Variants in STRBP observed in about 807,000 individuals in gnomAD.
STRBP encodes spermatid perinuclear RNA binding protein.
Under a neutral mutation model 80.1 loss-of-function variants are expected in STRBP, and 13 were observed. The ratio of observed to expected loss-of-function variants is 0.16; its 90% confidence interval spans 0.11 to 0.26. The LOEUF (loss-of-function observed/expected upper bound fraction) is 0.26, where lower values mean the gene tolerates loss of function less well. Ranked by LOEUF, STRBP falls within the 10% of genes least tolerant of loss-of-function variation. The pLI, the probability that STRBP is intolerant of heterozygous loss-of-function variation, is 1.00. For synonymous variants in STRBP, 284 were observed against 291.2 expected (o/e 0.98, Z 0.25); for missense variants, 485 against 815.2 (o/e 0.59, Z 4.93).
At chr9:123,239,265 C>T (rs548424744) in intron 1 of STRBP, among the ~76,000 whole-genome samples, 19 of 152,168 alleles carry the variant, frequency 1.2e-4, no homozygotes, top group African/African-American at 4.6e-4. Flanking sequence ...GTCCCAGCTA[C>T]TCAGGAGGCT....
chr9:123,267,715 C>G (rs2041302505), intron 1 of STRBP, among the ~76,000 whole-genome samples: 3 of 150,636 alleles, frequency 2.0e-5, no homozygotes, highest in South Asian at 4.3e-4. Flanking sequence ...ACGGGCGTCC[C>G]GGTGGCCTTC....
At chr9:123,204,696 T>A (rs925120224) in intron 2 of STRBP, among the ~76,000 whole-genome samples, 1 of 151,144 alleles carries the variant, frequency 6.6e-6, no homozygotes, top group African/African-American at 2.4e-5. Flanking sequence ...AGTGGGTGGA[T>A]CACAAGGTCA....
chr9:123,119,586 A>G (rs184834877), downstream of STRBP, among the ~76,000 whole-genome samples: 1,521 of 152,088 alleles, frequency 0.01, 16 homozygotes, highest in Non-Finnish European at 0.017. Flanking sequence ...AAAGCCTGGC[A>G]GCAGCTGACG....
At chr9:123,114,315 T>C (rs2035611413) in intron 3 of STRBP, 1 of 167,214 alleles carries the variant, frequency 6.0e-6, no homozygotes, top group Non-Finnish European at 1.5e-5. Flanking sequence ...CACAAGTTCA[T>C]GGTCCTTTCC....
At position 123,238,141 on chromosome 9, in the gene STRBP, C is replaced by T. The variant is rs140706288; in HGVS notation, c.-301-1175G>A. ...CATAGCACACAGCAGTAACAGTAAA[C>T]GTTAGCATTTCTTATTTAAAATTTG... On this transcript the variant is annotated intron_variant, in intron 1 of 18. Coordinates refer to ENST00000348403, the MANE Select transcript of STRBP (RefSeq NM_018387.5). Among the ~76,000 whole-genome samples, 46 of 152,328 alleles carry T rather than the reference C, an allele frequency of 3.0e-4. No homozygotes were observed. In the East Asian group the frequency reaches 8.3e-3, roughly 27 times the overall value.
chr9:123,198,762 T>C (rs1220794134), intron 2 of STRBP, among the ~76,000 whole-genome samples: 1 of 152,196 alleles, frequency 6.6e-6, no homozygotes, highest in Non-Finnish European at 1.5e-5. Context: ...CATCTTGATT[T>C]TTGTATATAG....
At chr9:123,165,739 A>G (rs1459837893) in intron 6 of STRBP, among the ~76,000 whole-genome samples, 1 of 152,178 alleles carries the variant, frequency 6.6e-6, no homozygotes, top group Non-Finnish European at 1.5e-5. Context: ...AATCCTAGAC[A>G]ATAATGGGAA....
chr9:123,226,406 T>A (rs1042108769), intron 2 of STRBP, among the ~76,000 whole-genome samples: 2 of 152,166 alleles, frequency 1.3e-5, no homozygotes, highest in African/African-American at 2.4e-5. Flanking sequence ...TAAAAGGGAC[T>A]CAAGAATGGC....
At chr9:123,116,888 A>C (rs2132279484), downstream of STRBP, among the ~76,000 whole-genome samples, 1 of 152,348 alleles carries the variant, frequency 6.6e-6, no homozygotes, top group Admixed American at 6.5e-5. Flanking sequence ...GTTGTGGTGA[A>C]ATTCAAAACT....
chr9:123,247,047 A>G (rs796964965), intron 1 of STRBP, among the ~76,000 whole-genome samples: 1 of 152,330 alleles, frequency 6.6e-6, no homozygotes, highest in East Asian at 1.9e-4. Flanking sequence ...TTAAATAACA[A>G]CAATAATTTA....
intron 2 of STRBP, among the ~76,000 whole-genome samples, chr9:123,186,321 C>T (rs1382178969): frequency 6.6e-6 from 1 of 152,150 alleles, no homozygotes; most frequent in Non-Finnish European, 1.5e-5. Flanking sequence ...GCCCTCCAGC[C>T]TGAGCAACAG....
chr9:123,151,786 A>C lies in STRBP; in HGVS notation c.1046-3916T>G, dbSNP rs372984744. 2.6e-5 allele frequency among the ~76,000 whole-genome samples: 4 copies of C among 152,290 alleles called. No homozygotes were observed. The East Asian group carries it at 5.8e-4, about 22-fold the overall frequency. On this transcript the variant is annotated intron_variant, in intron 11 of 18. Transcript: ENST00000348403. ...TCATAAAGTTTAAAAAGAGCAGCAA[A>C]TTGAACCCAAAGAAAGTCATAAGGA...
chr9:123,260,989 T>A (rs2079876689), intron 1 of STRBP, among the ~76,000 whole-genome samples: 1 of 152,230 alleles, frequency 6.6e-6, no homozygotes, highest in Non-Finnish European at 1.5e-5. Context: ...TCTTCTTTAA[T>A]CTTCAATATA....
intron 2 of STRBP, among the ~76,000 whole-genome samples, chr9:123,193,233 A>G (rs1356864063): frequency 6.6e-6 from 1 of 152,212 alleles, no homozygotes; most frequent in African/African-American, 2.4e-5. Context: ...CACAGCACCT[A>G]GTACATCGCC....
intron 1 of STRBP, among the ~76,000 whole-genome samples, chr9:123,252,172 C>T (rs1275424823): frequency 2.6e-5 from 4 of 152,020 alleles, no homozygotes; most frequent in Admixed American, 6.6e-5. Flanking sequence ...CAAGAAGAAA[C>T]GTGCTGATTG....
intron 2 of STRBP, among the ~76,000 whole-genome samples, chr9:123,206,630 CTTT>C (rs747668483): frequency 4.0e-5 from 6 of 151,162 alleles, no homozygotes; most frequent in Non-Finnish European, 8.9e-5. Flanking sequence ...ATTTTTTTTT[CTTT>C]TTTTCTTTAT....
intron 11 of STRBP, among the ~76,000 whole-genome samples, chr9:123,149,854 A>G (rs1484407266): frequency 6.6e-6 from 1 of 152,226 alleles, no homozygotes; most frequent in Non-Finnish European, 1.5e-5. Flanking sequence ...AGAAATATTA[A>G]TTGACATTTA....
chr9:123,115,075 T>G lies in STRBP; in HGVS notation c.*84+854A>C. On this transcript the variant is annotated intron_variant and NMD_transcript_variant, in intron 3 of 3. Coordinates refer to the STRBP transcript ENST00000471564. This position sits in a 1 kb window ranked among gnomAD's most constrained non-coding sequence, Gnocchi z 5.0. ...CACTATTGTGGACAATGGTCATCAT[T>G]GAAGGACACACCACCCAGGGCCTTT... 7.4e-6 allele frequency: 3 copies of G among 403,012 alleles called. No individual in the cohort carries two copies. Among genetic ancestry groups the G allele is most frequent in the Non-Finnish European group, 1.6e-5 (3 of 192,178 alleles). The allele number at this position is 403,012 out of a possible 1,614,324, so 25.0% of individuals were successfully genotyped here. A position where few individuals can be genotyped will look rare whatever the true frequency, so the allele number is the denominator to read the frequency against.
chr9:123,189,591 A>G (rs1246989646), intron 2 of STRBP, among the ~76,000 whole-genome samples: 2 of 151,284 alleles, frequency 1.3e-5, no homozygotes, highest in Admixed American at 1.3e-4. Flanking sequence ...GTAAACTATC[A>G]CAAGGACAGA....
Sources: allele counts gnomAD v4.1 joint callset (sites outside exome capture counted in the v4.1 genomes callset), GRCh38; gene constraint gnomAD v4.1.1; non-coding constraint Gnocchi (gnomAD v3.1); transcripts MANE v1.5; gene names NCBI Gene and HGNC (gene_info 2026-07-23, HGNC 2026-07-21).